DAPK2: variants seen among roughly 807,000 people sequenced by gnomAD.
DAPK2 encodes the protein death associated protein kinase 2, also known as death-associated protein kinase 2.
Under a neutral mutation model 44.1 loss-of-function variants are expected in DAPK2, and 35 were observed. The observed-to-expected ratio is 0.79, with a 90% CI of 0.61 to 1.05. DAPK2 has a LOEUF of 1.05. Ranked by LOEUF, DAPK2 falls within the 50% of genes least tolerant of loss-of-function variation. The pLI, the probability that DAPK2 is intolerant of heterozygous loss-of-function variation, is 0.00. For missense variants in DAPK2, 453 were observed against 483.2 expected (o/e 0.94, Z 0.59); for synonymous variants, 174 against 182.6 (o/e 0.95, Z 0.38).
intron 8 of DAPK2, chr15:63,922,757 A>G: frequency 6.6e-7 from 1 of 1,520,392 alleles, no homozygotes; most frequent in Non-Finnish European, 8.8e-7. Context: ...GCCTGCCAGA[A>G]ATTCCTCAGT....
chr15:64,031,125 C>T (rs2080002450), intron 1 of DAPK2, among the ~76,000 whole-genome samples: 1 of 152,096 alleles, frequency 6.6e-6, no homozygotes, highest in Non-Finnish European at 1.5e-5. Flanking sequence ...CTTTATTTAA[C>T]TTCTCTGAGC....
rs975111399 is a variant in DAPK2 at position 63,942,074 on chromosome 15, C to T, written c.454-2713G>A. 4.6e-5 allele frequency: 15 copies of T among 323,494 alleles called. No individual in the cohort carries two copies. In the South Asian group the frequency reaches 1.8e-3, roughly 39 times the overall value. 20.0% of individuals were successfully genotyped at this position (323,494 alleles called of 1,614,324 possible). A position where few individuals can be genotyped will look rare whatever the true frequency, so the allele number is the denominator to read the frequency against. On this transcript the variant is annotated intron_variant, in intron 3 of 10. Coordinates refer to ENST00000261891, the Ensembl canonical transcript of DAPK2. The stretch of plus-strand genomic sequence containing the variant: ...TAGCTGAGAGCCCAGGACACCATCT[C>T]ACACCACACGCTGAATGGGGGTGGG...
At chr15:63,910,595 C>T (rs1378923509) in intron 10 of DAPK2, 1 of 152,282 alleles carries the variant, frequency 6.6e-6, no homozygotes, top group Non-Finnish European at 1.5e-5. Flanking sequence ...GGCTGCAATG[C>T]AGTAGTGTGA....
rs1480055441 is a variant in DAPK2, at chr15:63,916,907, A to G, written c.859-4710T>C. On this transcript the variant is annotated intron_variant, in intron 8 of 10. Coordinates refer to ENST00000261891, the Ensembl canonical transcript of DAPK2. The surrounding 1 kb of genome is among the most constrained non-coding windows in gnomAD (Gnocchi z 4.7). ...GAGACTTGAGAGACGTAGCAACCAA[A>G]TGCCACATGTGGACTGTTTGGATCC... 2 of 152,142 alleles carry G rather than the reference A, an allele frequency of 1.3e-5. No homozygotes were observed. Among genetic ancestry groups the G allele is most frequent in the Non-Finnish European group, 2.9e-5 (2 of 68,052 alleles). 9.4% of individuals were successfully genotyped at this position (152,142 alleles called of 1,614,324 possible). A position where few individuals can be genotyped will look rare whatever the true frequency, so the allele number is the denominator to read the frequency against.
chr15:63,960,589 T>G (rs2077868761), intron 3 of DAPK2, among the ~76,000 whole-genome samples: 1 of 152,356 alleles, frequency 6.6e-6, no homozygotes, highest in African/African-American at 2.4e-5. Context: ...TCTTTATTTC[T>G]GTCTTCATTT....
chr15:63,914,448 G>A (rs545008482), intron 8 of DAPK2, among the ~76,000 whole-genome samples: 2 of 152,322 alleles, frequency 1.3e-5, no homozygotes, highest in African/African-American at 4.8e-5. Context: ...CAGCCCTCTA[G>A]ATCCTGTCTT....
chr15:63,989,452 G>T (rs2078758140), intron 1 of DAPK2, among the ~76,000 whole-genome samples: 1 of 152,178 alleles, frequency 6.6e-6, no homozygotes, highest in East Asian at 1.9e-4. Flanking sequence ...AGGGAACAGG[G>T]CTAGGACACA....
intron 1 of DAPK2, among the ~76,000 whole-genome samples, chr15:64,036,301 G>GTA (rs1368698625): frequency 0.032 from 1,387 of 43,128 alleles, 22 homozygotes; most frequent in African/African-American, 0.062. Context: ...GTGTGTGTGT[G>GTA]TGTGTGTGTA....
intron 1 of DAPK2, among the ~76,000 whole-genome samples, chr15:64,002,916 C>CCGTGTGTGTGTGTG (rs2079119574): frequency 1.2e-5 from 1 of 86,108 alleles, no homozygotes; most frequent in Non-Finnish European, 2.2e-5. Flanking sequence ...GACTGAGACA[C>CCGTGTGTGTGTGTG]TGTGTGTGTG....
rs764679085 is a variant in DAPK2 at position 63,939,370 on chromosome 15, C to T, written c.454-9G>A. Reference sequence around the variant, plus strand: ...AACATAATGTTTTCTGGCTGGACAACAAAAAGTAGAAAAAAAAAAAAGGAA... The same window carrying T: ...AACATAATGTTTTCTGGCTGGACAATAAAAAGTAGAAAAAAAAAAAAGGAA... On this transcript the variant is annotated splice_polypyrimidine_tract_variant and intron_variant, in intron 3 of 10. Transcript: ENST00000261891. The surrounding 1 kb of genome is among the most constrained non-coding windows in gnomAD (Gnocchi z 4.3). 2 of 1,215,702 alleles carry T rather than the reference C, an allele frequency of 1.6e-6. No individual in the cohort carries two copies. The highest frequency in any genetic ancestry group is 2.1e-5 in the African/African-American group (1 of 47,990). The allele number at this position is 1,215,702 out of a possible 1,614,324, so 75.3% of individuals were successfully genotyped here.
Position 63,954,522 on chromosome 15 carries a change from C to T in DAPK2, c.454-15161G>A, listed in dbSNP as rs578150287. 3.3e-5 allele frequency among the ~76,000 whole-genome samples: 5 copies of T among 152,276 alleles called. No individual in the cohort carries two copies. In the South Asian group the frequency reaches 1.0e-3, roughly 32 times the overall value. ...TTTGGTCTATGTGTCTGTTTTTATACCAGTACAATGCTGTTTTGGTTACTA... is the reference window on the plus strand; with the variant it reads ...TTTGGTCTATGTGTCTGTTTTTATATCAGTACAATGCTGTTTTGGTTACTA... On this transcript the variant is annotated intron_variant, in intron 3 of 10. Coordinates refer to ENST00000261891, the Ensembl canonical transcript of DAPK2.
intron 1 of DAPK2, among the ~76,000 whole-genome samples, chr15:64,018,189 C>T (rs1179062886): frequency 6.6e-6 from 1 of 152,148 alleles, no homozygotes; most frequent in Non-Finnish European, 1.5e-5. Flanking sequence ...AGAGAGCAGG[C>T]CCCTGGTTCC....
At chr15:63,963,438 G>A (rs193127737) in intron 3 of DAPK2, among the ~76,000 whole-genome samples, 3 of 152,306 alleles carry the variant, frequency 2.0e-5, no homozygotes, top group Non-Finnish European at 4.4e-5. Flanking sequence ...CTACAGACTG[G>A]AGCTGTTCCT....
chr15:63,975,343 A>G (rs2078314177), intron 2 of DAPK2, among the ~76,000 whole-genome samples: 1 of 152,198 alleles, frequency 6.6e-6, no homozygotes, highest in Non-Finnish European at 1.5e-5. Context: ...CTCTAACAAC[A>G]TAATAATAGC....
intron 8 of DAPK2, among the ~76,000 whole-genome samples, chr15:63,913,245 T>A (rs1372736628): frequency 1.3e-5 from 2 of 152,152 alleles, no homozygotes; most frequent in Non-Finnish European, 2.9e-5. Context: ...CATTTCTTCC[T>A]GGGGTAATGT....
At chr15:64,022,088 A>G (rs1244529405) in intron 1 of DAPK2, among the ~76,000 whole-genome samples, 1 of 152,202 alleles carries the variant, frequency 6.6e-6, no homozygotes, top group East Asian at 1.9e-4. Context: ...GGTAACAAAA[A>G]GGGAAGGGAA....
Position 63,908,576 on chromosome 15 carries a change from C to A in DAPK2, c.1057G>T (p.Glu353Ter). ...AGGGCTTTCCTCCTGGCGATGTCCTCCTCAGTGTCACTCTCACAGTTCCTC... is the reference window on the plus strand; with the variant it reads ...AGGGCTTTCCTCCTGGCGATGTCCTACTCAGTGTCACTCTCACAGTTCCTC... The change falls in exon 11 of 11, where the codon GAG becomes TAG. Residue 353 changes from glutamate to a stop codon, truncating the protein, a stop_gained. Coordinates refer to ENST00000261891, the Ensembl canonical transcript of DAPK2. LOFTEE classifies it high-confidence loss of function. This position sits in a 1 kb window ranked among gnomAD's most constrained non-coding sequence, Gnocchi z 5.7. The A allele has an allele frequency of 6.2e-7, 1 of 1,601,652 alleles. No homozygotes were observed. Among genetic ancestry groups the A allele is most frequent in the East Asian group, 2.3e-5 (1 of 44,382 alleles).
intron 1 of DAPK2, among the ~76,000 whole-genome samples, chr15:64,006,207 T>C (rs1364123968): frequency 6.6e-6 from 1 of 151,978 alleles, no homozygotes; most frequent in African/African-American, 2.4e-5. Flanking sequence ...CATCCAGCTT[T>C]CCCAGACCAA....
In DAPK2 at chr15:63,912,065, C is replaced by G. The variant is rs1233842278; in HGVS notation, c.948+43G>C. On this transcript the variant is annotated intron_variant, in intron 9 of 10. Transcript: ENST00000261891. This position sits in a 1 kb window ranked among gnomAD's most constrained non-coding sequence, Gnocchi z 4.4. ...ACCCTGGAGAGCCAGAAACCCCGCC[C>G]TAGCCCCCACCCTGTCCCCCGCCGC... 1.6e-5 allele frequency: 25 copies of G among 1,575,602 alleles called. No individual in the cohort carries two copies. The highest frequency in any genetic ancestry group is 1.8e-5 in the Non-Finnish European group (21 of 1,156,114).
Sources: gnomAD v4.1 joint callset for allele counts (sites outside exome capture counted in the v4.1 genomes callset) on GRCh38, gnomAD v4.1.1 for gene constraint, Gnocchi (gnomAD v3.1) non-coding constraint, MANE v1.5 for transcripts, NCBI Gene and HGNC (gene_info 2026-07-23, HGNC 2026-07-21) for gene names.